Variants in ASB3 observed in about 807,000 individuals in gnomAD.
ASB3 encodes the protein ankyrin repeat and SOCS box containing 3.
ASB3 carries 41 observed loss-of-function variants against 54.5 expected under a neutral mutation model. The observed-to-expected ratio is 0.75, with a 90% CI of 0.59 to 0.98. The LOEUF is 0.98. ASB3 is among the 50% of genes least tolerant of loss of function. The probability of loss-of-function intolerance (pLI) is 0.00; values close to 1 mark genes in which losing one functional copy is unlikely to be tolerated. For missense variants in ASB3, 733 were observed against 620.0 expected (o/e 1.18, Z -1.94); for synonymous variants, 266 against 221.2 (o/e 1.20, Z -1.80).
intron 1 of ASB3, among the ~76,000 whole-genome samples, chr2:53,776,455 C>G (rs1436493444): frequency 6.6e-6 from 1 of 152,164 alleles, no homozygotes; most frequent in African/African-American, 2.4e-5. Flanking sequence ...AGCAAAAATA[C>G]TGACTGTATT....
chr2:53,704,991 T>A (rs1364075990), intron 7 of ASB3, among the ~76,000 whole-genome samples: 1 of 152,198 alleles, frequency 6.6e-6, no homozygotes, highest in Non-Finnish European at 1.5e-5. Context: ...TATTTCACAT[T>A]GACCTGTGAT....
chr2:53,706,631 G>C (rs536430316), intron 7 of ASB3, among the ~76,000 whole-genome samples: 1 of 152,058 alleles, frequency 6.6e-6, no homozygotes, highest in African/African-American at 2.4e-5. Flanking sequence ...ATTTTTAGGA[G>C]AGACGGGGTT....
intron 2 of ASB3, among the ~76,000 whole-genome samples, chr2:53,751,262 A>C (rs1422132641): frequency 1.3e-5 from 2 of 152,168 alleles, no homozygotes. Flanking sequence ...ATGCAGCACT[A>C]AATATTTGCT....
chr2:53,716,561 C>A lies in ASB3; in HGVS notation c.782+5G>T, dbSNP rs760249739. ...CCATGTTTATTTTCTGTTTTTAACACTTACTTTGTATGGCCCATTTGTGCA... is the reference window on the plus strand; with the variant it reads ...CCATGTTTATTTTCTGTTTTTAACAATTACTTTGTATGGCCCATTTGTGCA... On this transcript the variant is annotated splice_donor_5th_base_variant and intron_variant, in intron 6 of 9. Coordinates refer to ENST00000263634, the MANE Select transcript of ASB3 (RefSeq NM_016115.5). 1 of 1,608,274 alleles carries A rather than the reference C, an allele frequency of 6.2e-7. No individual in the cohort carries two copies. Among genetic ancestry groups the A allele is most frequent in the Non-Finnish European group, 8.5e-7 (1 of 1,176,668 alleles).
At chr2:53,690,849 G>A (rs961405076) in intron 9 of ASB3, among the ~76,000 whole-genome samples, 24 of 151,984 alleles carry the variant, frequency 1.6e-4, no homozygotes, top group Non-Finnish European at 2.4e-4. Flanking sequence ...AGTTTCCTGG[G>A]GTCCTTTAAA....
At chr2:53,736,910 G>T (rs1443620054) in intron 3 of ASB3, among the ~76,000 whole-genome samples, 1 of 152,032 alleles carries the variant, frequency 6.6e-6, no homozygotes, top group Non-Finnish European at 1.5e-5. Flanking sequence ...CTTCAACCCA[G>T]GAAGCGGAGG....
intron 5 of ASB3, among the ~76,000 whole-genome samples, chr2:53,726,024 T>C (rs966997688): frequency 1.3e-5 from 2 of 151,992 alleles, no homozygotes; most frequent in African/African-American, 4.8e-5. Context: ...GGTGAAAAAG[T>C]TGGAAAAATT....
At chr2:53,737,766 G>C (rs970332766) in intron 3 of ASB3, among the ~76,000 whole-genome samples, 1 of 149,738 alleles carries the variant, frequency 6.7e-6, no homozygotes, top group African/African-American at 2.4e-5. Flanking sequence ...ATTCTGAAGG[G>C]AATTTCAAAA....
chr2:53,716,780 T>A (rs1229044521), intron 5 of ASB3, 37 bp from the exon 6 acceptor site: 1 of 1,540,148 alleles, frequency 6.5e-7, no homozygotes, highest in Non-Finnish European at 8.8e-7. Context: ...CAGATAACCC[T>A]AATACTTAAA....
intron 7 of ASB3, among the ~76,000 whole-genome samples, chr2:53,710,149 A>C (rs1670009545): frequency 6.6e-6 from 1 of 152,208 alleles, no homozygotes; most frequent in African/African-American, 2.4e-5. Flanking sequence ...CTGAATCTCT[A>C]ACCAACAGAA....
At chr2:53,759,614 C>G (rs1455296888) in intron 2 of ASB3, among the ~76,000 whole-genome samples, 1 of 152,170 alleles carries the variant, frequency 6.6e-6, no homozygotes, top group African/African-American at 2.4e-5. Flanking sequence ...TCATGGTCTT[C>G]AGGCAAATGG....
At chr2:53,774,813 T>C (rs1674220395) in intron 1 of ASB3, 4 of 245,862 alleles carry the variant, frequency 1.6e-5, no homozygotes, top group Non-Finnish European at 7.7e-6. Flanking sequence ...TTTATCAGAG[T>C]GATAATCATC....
At chr2:53,727,272 G>C (rs904848227) in intron 5 of ASB3, among the ~76,000 whole-genome samples, 3 of 152,148 alleles carry the variant, frequency 2.0e-5, no homozygotes, top group Non-Finnish European at 2.9e-5. Flanking sequence ...ATGAATGTTT[G>C]TTTCTTTTAC....
At chr2:53,720,606 T>TA (rs1251523579) in intron 5 of ASB3, among the ~76,000 whole-genome samples, 2 of 152,188 alleles carry the variant, frequency 1.3e-5, no homozygotes, top group Non-Finnish European at 2.9e-5. Flanking sequence ...AACAAGCTCT[T>TA]AGAGATCTAT....
intron 9 of ASB3, among the ~76,000 whole-genome samples, chr2:53,692,804 A>G (rs553348007): frequency 2.0e-5 from 3 of 152,314 alleles, no homozygotes; most frequent in South Asian, 2.1e-4. Context: ...CTGCAGATAC[A>G]TAATTAGTAA....
At position 53,700,292 on chromosome 2, in the gene ASB3, AG is replaced by A; in HGVS notation, c.1216del (p.Leu406Ter). 6.2e-7 allele frequency: 1 copy of A among 1,613,926 alleles called. No homozygotes were observed. The highest frequency in any genetic ancestry group is 8.5e-7 in the Non-Finnish European group (1 of 1,179,910). On this transcript the variant is annotated frameshift_variant, in exon 8 of 10. Transcript: ENST00000263634. LOFTEE classifies it high-confidence loss of function. ...PHLLVAGFDP[L>X]ILLCNSWIDS... ...TTACCAAGAATTGCACAGTAGAATCAGTGGGTCAAATCCAGCAACCAGAAGA... is the reference window on the plus strand; with the variant it reads ...TTACCAAGAATTGCACAGTAGAATCATGGGTCAAATCCAGCAACCAGAAGA...
intron 9 of ASB3, among the ~76,000 whole-genome samples, chr2:53,685,554 C>A (rs1215296983): frequency 2.0e-5 from 3 of 152,162 alleles, no homozygotes; most frequent in African/African-American, 7.2e-5. Context: ...CCTAACCTTC[C>A]CTGCTACAGT....
chr2:53,780,308 T>C (rs1325662792), intron 1 of ASB3, among the ~76,000 whole-genome samples: 3 of 152,074 alleles, frequency 2.0e-5, no homozygotes, highest in African/African-American at 7.2e-5. Context: ...CACACCACCC[T>C]CCTCATTCTT....
At chr2:53,695,446 C>T (rs1669132340) in intron 8 of ASB3, among the ~76,000 whole-genome samples, 2 of 151,644 alleles carry the variant, frequency 1.3e-5, no homozygotes, top group African/African-American at 4.8e-5. Flanking sequence ...CCTTGACTTT[C>T]TAGGGGTCCC....
Sources: gnomAD v4.1 joint callset for allele counts (sites outside exome capture counted in the v4.1 genomes callset) on GRCh38, gnomAD v4.1.1 for gene constraint, MANE v1.5 for transcripts, NCBI Gene and HGNC (gene_info 2026-07-23, HGNC 2026-07-21) for gene names.